The following VDR variants were observed in gnomAD, a reference collection of about 807,000 sequenced individuals.
The protein encoded by VDR is vitamin D3 receptor.
A neutral mutation model predicts 39.7 loss-of-function variants in VDR; 19 were observed. The observed-to-expected ratio is 0.48, with a 90% confidence interval of 0.33 to 0.70. The LOEUF is 0.70. Among genes scored for constraint, VDR ranks in the 30% least tolerant of loss-of-function variants. The pLI is 0.02. For missense variants in VDR, 442 were observed against 570.5 expected, an observed-to-expected ratio of 0.77 and a Z score of 2.29; for synonymous variants, 242 against 215.8, an observed-to-expected ratio of 1.12 and a Z score of -1.07.
Position 47,876,592 on chromosome 12 carries a change from T to A in VDR, c.146+2376A>T, listed in dbSNP as rs189737856. Among the ~76,000 whole-genome samples, 330 of 152,322 alleles carry A rather than the reference T, an allele frequency of 2.2e-3. 1 individual carries two copies. The highest frequency in any genetic ancestry group is 7.4e-3 in the African/African-American group (309 of 41,566). On this transcript the variant is annotated intron_variant, in intron 3 of 9. Coordinates refer to ENST00000549336, the MANE Select transcript of VDR (RefSeq NM_000376.3). ...CAGACTCTAAGGGCTCTTGTCAAGG[T>A]GGACTAAGAGTGGGTTAAGGTGGCA...
chr12:47,884,358 T>C (rs1209723484), intron 1 of VDR, among the ~76,000 whole-genome samples: 1 of 152,186 alleles, frequency 6.6e-6, no homozygotes, highest in Non-Finnish European at 1.5e-5. Flanking sequence ...CAGTCCTACT[T>C]GTAGCAAAGC....
intron 1 of VDR, among the ~76,000 whole-genome samples, chr12:47,904,341 CCTT>C (rs924711921): frequency 6.6e-5 from 10 of 151,882 alleles, no homozygotes; most frequent in Non-Finnish European, 1.3e-4. Context: ...AGAAACTACT[CCTT>C]GAGCCCCTTC....
At chr12:47,875,622 AG>A (rs1945984257) in intron 3 of VDR, among the ~76,000 whole-genome samples, 2 of 152,220 alleles carry the variant, frequency 1.3e-5, no homozygotes, top group Admixed American at 6.5e-5. Flanking sequence ...GTGGAAGAAG[AG>A]GAGAAATGAT....
intron 3 of VDR, among the ~76,000 whole-genome samples, chr12:47,876,502 C>A (rs1946007995): frequency 6.6e-6 from 1 of 152,166 alleles, no homozygotes; most frequent in African/African-American, 2.4e-5. Context: ...GGTAACAAGA[C>A]AAAACCAGCC....
In VDR at chr12:47,894,050, T is replaced by C. The variant is rs117329918; in HGVS notation, c.-84+10905A>G. On this transcript the variant is annotated intron_variant, in intron 1 of 9. Transcript: ENST00000549336. The stretch of plus-strand genomic sequence containing the variant: ...TCTAAGCCTTGAACCCTCACCAAGC[T>C]ATGATTCCCCTTCCCCAGCCCTACC... Among the ~76,000 whole-genome samples the C allele has an allele frequency of 2.7e-4, 41 of 152,378 alleles. 1 individual carries two copies. In the East Asian group the frequency reaches 7.1e-3, roughly 27 times the overall value.
In VDR at chr12:47,904,444, T is replaced by C. The variant is rs1300594132; in HGVS notation, c.-84+511A>G. The C allele has an allele frequency of 7.3e-5, 55 of 750,758 alleles. No individual in the cohort carries two copies. In the African/African-American group the frequency reaches 1.1e-3, roughly 14 times the overall value. 46.5% of individuals were successfully genotyped at this position (750,758 alleles called of 1,614,324 possible). A position where few individuals can be genotyped will look rare whatever the true frequency, so the allele number is the denominator to read the frequency against. Reference sequence around the variant, plus strand: ...TAGGGCCAATTAGGTCTAAACTCATTGGTAGTTCAAAGAAAAGTAAAAAAA... The same window carrying C: ...TAGGGCCAATTAGGTCTAAACTCATCGGTAGTTCAAAGAAAAGTAAAAAAA... On this transcript the variant is annotated intron_variant, in intron 1 of 9. Coordinates refer to ENST00000549336, the MANE Select transcript of VDR (RefSeq NM_000376.3).
chr12:47,878,292 G>A (rs1439858818), intron 3 of VDR, among the ~76,000 whole-genome samples: 7 of 151,668 alleles, frequency 4.6e-5, no homozygotes, highest in Non-Finnish European at 1.0e-4. Context: ...CCTTTCCCAC[G>A]CTCCCACCCT....
rs190067305 is a variant in VDR, at chr12:47,870,334, C to T, written c.147-5157G>A. ...TCTACACCCTACCCTGCCTTCCTCC[C>T]AATACTAATTGCCTGTGAGCTGGTT... On this transcript the variant is annotated intron_variant, in intron 3 of 9. Coordinates refer to ENST00000549336, the MANE Select transcript of VDR (RefSeq NM_000376.3). 1.1e-3 allele frequency among the ~76,000 whole-genome samples: 169 copies of T among 152,310 alleles called. No individual in the cohort carries two copies. In the Middle Eastern group the frequency reaches 0.014, roughly 12 times the overall value.
intron 7 of VDR, among the ~76,000 whole-genome samples, chr12:47,849,262 A>T (rs917069405): frequency 6.6e-6 from 1 of 152,182 alleles, no homozygotes; most frequent in Non-Finnish European, 1.5e-5. Context: ...GAAGGCTTGC[A>T]TGATCAGGAT....
Position 47,855,640 on chromosome 12 carries a change from G to A in VDR, c.745C>T (p.Pro249Ser). The A allele has an allele frequency of 6.2e-7, 1 of 1,614,154 alleles. No homozygotes were observed. The highest frequency in any genetic ancestry group is 8.5e-7 in the Non-Finnish European group (1 of 1,180,022). The change falls in exon 7 of 10, where the codon CCA becomes TCA. Residue 249 changes from proline to serine, a missense_variant. By Grantham distance (74) the Pro-to-Ser change is moderately conservative. Coordinates refer to ENST00000549336, the MANE Select transcript of VDR (RefSeq NM_000376.3). Reference sequence around the variant, plus strand: ...GCAGAAGTTTCTTACCTGAATCCTGGTATCATCTTAGCAAAGCCAATGACC... The same window carrying A: ...GCAGAAGTTTCTTACCTGAATCCTGATATCATCTTAGCAAAGCCAATGACC... The part of the protein sequence containing the change: ...QKVIGFAKMI[P>S]GFRDLTSEDQ...
intron 1 of VDR, among the ~76,000 whole-genome samples, chr12:47,885,381 G>A (rs1036075904): frequency 1.1e-4 from 16 of 152,206 alleles, no homozygotes; most frequent in African/African-American, 2.9e-4. Context: ...TCTCCTACAC[G>A]TCTGCCTGTC....
In VDR at chr12:47,842,430, G is replaced by A. The variant is rs1196220839; in HGVS notation, c.*2316C>T. The A allele has an allele frequency of 6.6e-6, 1 of 152,264 alleles. No individual in the cohort carries two copies. Among genetic ancestry groups the A allele is most frequent in the African/African-American group, 2.4e-5 (1 of 41,402 alleles). The allele number at this position is 152,264 out of a possible 1,614,324, so 9.4% of individuals were successfully genotyped here. On this transcript the variant is annotated 3_prime_UTR_variant, in exon 10 of 10. Coordinates refer to ENST00000549336, the MANE Select transcript of VDR (RefSeq NM_000376.3). ...GAGCTCAAACATGGTGTAGTGAAAA[G>A]GACACCGGACCATGACTCCAAAATC...
chr12:47,871,411 ATCTG>A lies in VDR; in HGVS notation c.147-6238_147-6235del, dbSNP rs199717481. Among the ~76,000 whole-genome samples, 272 of 102,168 alleles carry A rather than the reference ATCTG, an allele frequency of 2.7e-3. 4 individuals are homozygous for A. The East Asian group carries it at 0.032, about 12-fold the overall frequency. The allele number at this position is 102,168 out of a possible 152,430, so 67.0% of individuals were successfully genotyped here. ...TTCCTTCCTCTCTTTCTCTCTTTCTATCTGTCTGTCTATCTGTCTTTCCTTCCTT... is the reference window on the plus strand; with the variant it reads ...TTCCTTCCTCTCTTTCTCTCTTTCTATCTGTCTATCTGTCTTTCCTTCCTT... On this transcript the variant is annotated intron_variant, in intron 3 of 9. Transcript: ENST00000549336.
intron 3 of VDR, among the ~76,000 whole-genome samples, chr12:47,871,338 C>CTTTCTTTCT (rs1290008027): frequency 1.7e-4 from 25 of 145,502 alleles, no homozygotes; most frequent in African/African-American, 6.1e-4. Context: ...TTCTTTCTTT[C>CTTTCTTTCT]TTTCTTTCTT....
chr12:47,862,028 T>C (rs912317595), intron 4 of VDR, among the ~76,000 whole-genome samples: 6 of 152,248 alleles, frequency 3.9e-5, no homozygotes, highest in Non-Finnish European at 5.9e-5. Flanking sequence ...TATTCATTGA[T>C]TCCACACATT....
intron 7 of VDR, among the ~76,000 whole-genome samples, chr12:47,850,227 T>C (rs1241867762): frequency 6.6e-6 from 1 of 152,242 alleles, no homozygotes; most frequent in Non-Finnish European, 1.5e-5. Flanking sequence ...ACATTTAACA[T>C]ACTGGAGCTT....
intron 4 of VDR, 108 bp downstream of exon 4, chr12:47,864,939 A>C (rs1371514229): frequency 1.3e-6 from 2 of 1,568,440 alleles, no homozygotes; most frequent in African/African-American, 2.7e-5. Flanking sequence ...GCTGGCAGCT[A>C]CAGAGGAAGG....
At chr12:47,898,649 C>A (rs1345554314) in intron 1 of VDR, 1 of 154,864 alleles carries the variant, frequency 6.5e-6, no homozygotes, top group Non-Finnish European at 1.5e-5. Context: ...ATATACAAAT[C>A]GTGGTGTATT....
At chr12:47,904,136 G>C (rs1430814684) in intron 1 of VDR, among the ~76,000 whole-genome samples, 1 of 151,966 alleles carries the variant, frequency 6.6e-6, no homozygotes, top group Admixed American at 6.6e-5. Context: ...GAAGGAGGAG[G>C]AACTGTGAGA....
Sources: allele counts gnomAD v4.1 joint callset (sites outside exome capture counted in the v4.1 genomes callset), GRCh38; gene constraint gnomAD v4.1.1; transcripts MANE v1.5; gene names NCBI Gene and HGNC (gene_info 2026-07-23, HGNC 2026-07-21).